SHANK2: variants seen among roughly 807,000 people sequenced by gnomAD.
SHANK2 encodes the protein SH3 and multiple ankyrin repeat domains 2.
A neutral mutation model predicts 133.7 loss-of-function variants in SHANK2; 43 were observed. The observed-to-expected ratio is 0.32, with a 90% confidence interval of 0.25 to 0.41. SHANK2 has a LOEUF of 0.41. SHANK2 is among the 10% of genes least tolerant of loss of function. The pLI, the probability that SHANK2 is intolerant of heterozygous loss-of-function variation, is 1.00. For missense variants in SHANK2, 1,994 were observed against 2,235.8 expected, an observed-to-expected ratio of 0.89 and a Z score of 2.18; for synonymous variants, 1,017 against 952.8, an observed-to-expected ratio of 1.07 and a Z score of -1.24.
In SHANK2 at chr11:70,487,834, G is replaced by C; in HGVS notation, c.2573-114C>G. ...ACTCACAAATTCAGATGATGAACCGGATGTTCAGGAAACACAGCACAAGCC... is the reference window on the plus strand; with the variant it reads ...ACTCACAAATTCAGATGATGAACCGCATGTTCAGGAAACACAGCACAAGCC... On this transcript the variant is annotated intron_variant, in intron 24 of 25. Coordinates refer to ENST00000601538, the MANE Select transcript of SHANK2 (RefSeq NM_012309.5). This position sits in a 1 kb window ranked among gnomAD's most constrained non-coding sequence, Gnocchi z 5.8. 6.5e-7 allele frequency: 1 copy of C among 1,541,938 alleles called. No homozygotes were observed. Among genetic ancestry groups the C allele is most frequent in the Non-Finnish European group, 8.7e-7 (1 of 1,142,890 alleles).
intron 2 of SHANK2, among the ~76,000 whole-genome samples, chr11:71,152,840 G>A (rs776837263): frequency 5.3e-5 from 8 of 152,170 alleles, no homozygotes; most frequent in Non-Finnish European, 4.4e-5. Context: ...AACCTGATTA[G>A]CAGCTTCCTG....
At chr11:70,791,671 T>C (rs1189898313) in intron 14 of SHANK2, among the ~76,000 whole-genome samples, 2 of 152,214 alleles carry the variant, frequency 1.3e-5, no homozygotes, top group Non-Finnish European at 2.9e-5. Context: ...CAGGTGGATG[T>C]GCAGGAGGAT....
intron 14 of SHANK2, among the ~76,000 whole-genome samples, chr11:70,707,067 T>C (rs1423959643): frequency 6.6e-6 from 1 of 152,078 alleles, no homozygotes; most frequent in Non-Finnish European, 1.5e-5. Flanking sequence ...AGGTGGGCTA[T>C]AGAACTAAGA....
rs144809017 is a variant in SHANK2 at position 71,225,907 on chromosome 11, C to A, written c.-112-1111G>T. On this transcript the variant is annotated intron_variant, in intron 1 of 25. Transcript: ENST00000601538. ...GGGAGGCCGAGGTGTGTGGATCACT[C>A]AAGGTTAGAAGTTGAGACCAGCGTG... is the stretch of plus-strand genomic sequence containing the variant. Among the ~76,000 whole-genome samples the A allele has an allele frequency of 6.6e-5, 10 of 152,218 alleles. No individual in the cohort carries two copies. The East Asian group carries it at 1.2e-3, about 18-fold the overall frequency.
intron 17 of SHANK2, among the ~76,000 whole-genome samples, chr11:70,599,045 G>C (rs1349006401): frequency 6.6e-6 from 1 of 150,416 alleles, no homozygotes; most frequent in Admixed American, 6.6e-5. Flanking sequence ...TTTATTGCAG[G>C]TCCTAGCTAG....
chr11:70,934,512 G>A (rs781802953), intron 10 of SHANK2, among the ~76,000 whole-genome samples: 21 of 152,118 alleles, frequency 1.4e-4, no homozygotes, highest in Admixed American at 2.6e-4. Flanking sequence ...TTGGCTTTCC[G>A]AGGCCAGATG....
intron 8 of SHANK2, among the ~76,000 whole-genome samples, chr11:71,087,422 G>A (rs1951433959): frequency 6.6e-6 from 1 of 152,208 alleles, no homozygotes; most frequent in South Asian, 2.1e-4. Flanking sequence ...CAAAAGGGCT[G>A]GCGGCTGGAT....
intron 17 of SHANK2, 22 bp from the exon 18 acceptor site, chr11:70,502,953 G>A: frequency 6.2e-7 from 1 of 1,614,012 alleles, no homozygotes; most frequent in Non-Finnish European, 8.5e-7. Context: ...CGGAGAGGAT[G>A]GCATCAGTGA....
intron 14 of SHANK2, among the ~76,000 whole-genome samples, chr11:70,755,446 C>T (rs190532038): frequency 7.3e-4 from 111 of 152,362 alleles, no homozygotes; most frequent in African/African-American, 2.2e-3. Context: ...GGGTGCACTC[C>T]GGCCCCTCAT....
chr11:70,610,818 G>A (rs1048765967), intron 17 of SHANK2, among the ~76,000 whole-genome samples: 5 of 152,198 alleles, frequency 3.3e-5, no homozygotes, highest in Non-Finnish European at 2.9e-5. Context: ...AGAGCCCACA[G>A]ACTCCATTCC....
chr11:71,128,184 C>G (rs1952227976), intron 3 of SHANK2, among the ~76,000 whole-genome samples: 1 of 152,206 alleles, frequency 6.6e-6, no homozygotes, highest in Non-Finnish European at 1.5e-5. Context: ...TTTCCTGTCT[C>G]CCAGGAAGGT....
intron 2 of SHANK2, among the ~76,000 whole-genome samples, chr11:71,190,600 G>A (rs782595091): frequency 1.3e-5 from 2 of 152,250 alleles, no homozygotes; most frequent in African/African-American, 2.4e-5. Context: ...TGAGGCCTCT[G>A]CAGGGAATCG....
intron 11 of SHANK2, among the ~76,000 whole-genome samples, chr11:70,872,693 G>C (rs1449062273): frequency 6.6e-6 from 1 of 152,058 alleles, no homozygotes; most frequent in South Asian, 2.1e-4. Flanking sequence ...CGGCTCCCTG[G>C]TGTATCTCCT....
chr11:70,539,582 A>G (rs894343817), intron 17 of SHANK2, among the ~76,000 whole-genome samples: 2 of 112,294 alleles, frequency 1.8e-5, no homozygotes, highest in Non-Finnish European at 3.9e-5. Flanking sequence ...TGAGTGGATG[A>G]GCAATCACAG....
intron 11 of SHANK2, among the ~76,000 whole-genome samples, chr11:70,889,158 T>C (rs912092695): frequency 1.3e-5 from 2 of 152,170 alleles, no homozygotes; most frequent in Non-Finnish European, 2.9e-5. Context: ...GATGAGATCA[T>C]CCTGGATTTA....
At chr11:70,627,515 C>T (rs2060920598) in intron 17 of SHANK2, among the ~76,000 whole-genome samples, 1 of 152,222 alleles carries the variant, frequency 6.6e-6, no homozygotes, top group Admixed American at 6.5e-5. Context: ...ACCCCGCTGT[C>T]CTGACTGTTA....
At chr11:71,234,183 TAAAA>T (rs71049965) in intron 1 of SHANK2, among the ~76,000 whole-genome samples, 1 of 35,472 alleles carries the variant, frequency 2.8e-5, no homozygotes, top group Admixed American at 5.0e-4. Context: ...CCCTCTCTAC[TAAAA>T]AAAAAAAAAA....
chr11:70,598,405 T>A (rs1374161827), intron 17 of SHANK2, among the ~76,000 whole-genome samples: 2 of 152,210 alleles, frequency 1.3e-5, no homozygotes, highest in African/African-American at 4.8e-5. Context: ...AAGAGTTCTG[T>A]AACCTTGAAA....
At chr11:70,686,233 C>CCATCCAT (rs1565241107) in intron 15 of SHANK2, among the ~76,000 whole-genome samples, 1 of 69,018 alleles carries the variant, frequency 1.4e-5, no homozygotes, top group Non-Finnish European at 2.6e-5. Flanking sequence ...CATCCATCCA[C>CCATCCAT]CCACCCACCC....
Sources: gnomAD v4.1 joint callset for allele counts (sites outside exome capture counted in the v4.1 genomes callset) on GRCh38, gnomAD v4.1.1 for gene constraint, Gnocchi (gnomAD v3.1) non-coding constraint, MANE v1.5 for transcripts, NCBI Gene and HGNC (gene_info 2026-07-23, HGNC 2026-07-21) for gene names.